The following DNAH9 variants were observed in gnomAD, a reference collection of about 807,000 sequenced individuals.
The protein encoded by DNAH9 is dynein axonemal heavy chain 9.
Under a neutral mutation model 471.6 loss-of-function variants are expected in DNAH9, and 345 were observed. The ratio of observed to expected loss-of-function variants is 0.73; its 90% CI spans 0.67 to 0.80. The LOEUF (loss-of-function observed/expected upper bound fraction) is 0.80, where lower values mean the gene tolerates loss of function less well. DNAH9 is among the 30% of genes least tolerant of loss of function. The probability of loss-of-function intolerance (pLI) is 0.00; values close to 1 mark genes in which losing one functional copy is unlikely to be tolerated. For missense variants in DNAH9, 5,407 were observed against 5,609.2 expected (o/e 0.96, Z 1.15); for synonymous variants, 2,093 against 2,123.6 (o/e 0.99, Z 0.40).
chr17:11,889,508 C>G (rs1008796114), intron 57 of DNAH9, among the ~76,000 whole-genome samples: 4 of 152,310 alleles, frequency 2.6e-5, no homozygotes, highest in Admixed American at 2.6e-4. Flanking sequence ...TTGGCATGTG[C>G]CTCCAGTGTT....
intron 19 of DNAH9, among the ~76,000 whole-genome samples, chr17:11,686,194 A>C (rs1286154535): frequency 6.6e-6 from 1 of 152,072 alleles, no homozygotes; most frequent in South Asian, 2.1e-4. Context: ...ACCAACAGGC[A>C]ATTTCCCAGG....
chr17:11,779,059 T>C (rs1461644488), intron 38 of DNAH9, among the ~76,000 whole-genome samples: 2 of 151,930 alleles, frequency 1.3e-5, no homozygotes, highest in Admixed American at 6.6e-5. Context: ...GGCAGTGCAA[T>C]AGTATCCAGA....
At chr17:11,884,909 C>T (rs1244921621) in intron 56 of DNAH9, among the ~76,000 whole-genome samples, 1 of 152,056 alleles carries the variant, frequency 6.6e-6, no homozygotes, top group Admixed American at 6.6e-5. Context: ...CTCTTCTCCC[C>T]ACCTCTTCAT....
At chr17:11,826,458 T>A (rs1378157718) in intron 48 of DNAH9, among the ~76,000 whole-genome samples, 2 of 84,108 alleles carry the variant, frequency 2.4e-5, no homozygotes, top group Admixed American at 2.1e-4. Flanking sequence ...TTTCTTGGTT[T>A]TTTTTTTTTT....
chr17:11,752,920 T>C lies in DNAH9; in HGVS notation c.6698T>C (p.Met2233Thr), dbSNP rs1309655385. The C allele has an allele frequency of 2.5e-6, 4 of 1,607,212 alleles. No homozygotes were observed. The highest frequency in any genetic ancestry group is 2.6e-6 in the Non-Finnish European group (3 of 1,176,220). Residue 2233 changes from methionine to threonine, a missense_variant, in exon 33 of 69, where the codon ATG (methionine) becomes ACG (threonine). Coordinates refer to ENST00000262442, the MANE Select transcript of DNAH9 (RefSeq NM_001372.4). ...TTACTGGATGGCGACATAGATCCAA[T>C]GTGGATTGAATCCCTGAATACTGTC... is the stretch of plus-strand genomic sequence containing the variant. ...WILLDGDIDP[M>T]WIESLNTVMD...
intron 67 of DNAH9, among the ~76,000 whole-genome samples, chr17:11,945,141 C>T (rs557349849): frequency 1.3e-5 from 2 of 152,186 alleles, no homozygotes; most frequent in South Asian, 4.1e-4. Flanking sequence ...TCCCAGAACA[C>T]TGGTGGAAGG....
intron 1 of DNAH9, among the ~76,000 whole-genome samples, chr17:11,600,955 C>G (rs2072373373): frequency 6.6e-6 from 1 of 152,190 alleles, no homozygotes; most frequent in Non-Finnish European, 1.5e-5. Flanking sequence ...ACACACCCAG[C>G]AAGCCACACA....
intron 36 of DNAH9, 136 bp downstream of exon 36, chr17:11,763,750 C>A (rs555570911): frequency 5.7e-5 from 47 of 821,148 alleles, no homozygotes; most frequent in Non-Finnish European, 8.2e-5. Context: ...TAGTCATCTA[C>A]CTATTACTCT....
rs1161668835 is a variant in DNAH9 at position 11,763,341 on chromosome 17, A to G, written c.6996-99A>G. On this transcript the variant is annotated intron_variant, in intron 35 of 68. Transcript: ENST00000262442. ...GTAATCCCAAAGAACTTGACGGACC[A>G]TGAGTCCACTGAAACTGAGTGGTTC... 23 of 1,034,620 alleles carry G rather than the reference A, an allele frequency of 2.2e-5. No individual in the cohort carries two copies. The South Asian group carries it at 3.3e-4, about 15-fold the overall frequency. The allele number at this position is 1,034,620 out of a possible 1,614,324, so 64.1% of individuals were successfully genotyped here.
At chr17:11,727,262 C>T (rs2075170404) in intron 27 of DNAH9, among the ~76,000 whole-genome samples, 1 of 151,932 alleles carries the variant, frequency 6.6e-6, no homozygotes, top group Non-Finnish European at 1.5e-5. Flanking sequence ...TGCATTATTC[C>T]CTTGTAAATT....
In DNAH9 at chr17:11,797,697, A is replaced by C; in HGVS notation, c.8324A>C (p.Glu2775Ala). 1 of 1,614,134 alleles carries C rather than the reference A, an allele frequency of 6.2e-7. No homozygotes were observed. The highest frequency in any genetic ancestry group is 8.5e-7 in the Non-Finnish European group (1 of 1,180,014). ...AAATACATGCCTGTACAGTCTTGGGAACTTTTGACCCAGACTCTGGTGGAG... is the reference window on the plus strand; with the variant it reads ...AAATACATGCCTGTACAGTCTTGGGCACTTTTGACCCAGACTCTGGTGGAG... ...EPKYMPVQSW[E>A]LLTQTLVEAL... is the part of the protein sequence containing the mutation. Residue 2775 changes from glutamate (E) to alanine (A), a missense_variant, in exon 43 of 69, where the codon GAA becomes GCA. Around this residue, in one of 3 missense-constraint regions of DNAH9, gnomAD observed 4,636 missense variants for 4,900.3 expected, o/e 0.95. Coordinates refer to ENST00000262442, the MANE Select transcript of DNAH9 (RefSeq NM_001372.4).
At chr17:11,898,126 C>G (rs9907234) in intron 59 of DNAH9, among the ~76,000 whole-genome samples, 12 of 150,478 alleles carry the variant, frequency 8.0e-5, no homozygotes, top group African/African-American at 2.9e-4. Flanking sequence ...TCTTTCTTTT[C>G]CTTTTCTTTT....
chr17:11,929,833 T>C, intron 62 of DNAH9, 33 bp from the exon 63 acceptor site: 1 of 1,578,470 alleles, frequency 6.3e-7, no homozygotes, highest in Admixed American at 1.8e-5. Flanking sequence ...AGCAGATGCC[T>C]GTATTGAGGG....
At chr17:11,824,350 A>G (rs1199324146) in intron 48 of DNAH9, among the ~76,000 whole-genome samples, 1 of 152,170 alleles carries the variant, frequency 6.6e-6, no homozygotes, top group East Asian at 1.9e-4. Flanking sequence ...ATTCAGAAGT[A>G]TTAAATGTAC....
At chr17:11,637,326 A>G (rs2073183712) in intron 9 of DNAH9, among the ~76,000 whole-genome samples, 1 of 152,198 alleles carries the variant, frequency 6.6e-6, no homozygotes, top group South Asian at 2.1e-4. Flanking sequence ...CATGCCAAGC[A>G]TGCCTGTGGG....
intron 57 of DNAH9, among the ~76,000 whole-genome samples, chr17:11,888,541 A>C (rs758692022): frequency 1.1e-4 from 17 of 152,114 alleles, no homozygotes; most frequent in Non-Finnish European, 1.8e-4. Flanking sequence ...ATGTTGTAAG[A>C]TGTTTGGCAG....
chr17:11,655,017 C>G (rs1426431728), intron 14 of DNAH9, among the ~76,000 whole-genome samples: 1 of 151,940 alleles, frequency 6.6e-6, no homozygotes, highest in Non-Finnish European at 1.5e-5. Context: ...TAGACAAAAA[C>G]CACTGAACAG....
chr17:11,742,336 A>G, intron 30 of DNAH9, 23 bp downstream of exon 30: 1 of 1,609,808 alleles, frequency 6.2e-7, no homozygotes, highest in Non-Finnish European at 8.5e-7. Context: ...GGGAGGCTGT[A>G]CAACCAAGCA....
At chr17:11,645,051 T>A (rs1304211131) in intron 11 of DNAH9, among the ~76,000 whole-genome samples, 1 of 152,172 alleles carries the variant, frequency 6.6e-6, no homozygotes, top group African/African-American at 2.4e-5. Flanking sequence ...AAAGAGGCAA[T>A]AAGTTTTAAA....
Sources: gnomAD v4.1 joint callset for allele counts (sites outside exome capture counted in the v4.1 genomes callset) on GRCh38, gnomAD v4.1.1 for gene constraint, gnomAD v4.1.1 regional missense constraint, MANE v1.5 for transcripts, NCBI Gene and HGNC (gene_info 2026-07-23, HGNC 2026-07-21) for gene names.